TBC1D2B: variants seen among roughly 807,000 people sequenced by gnomAD.
TBC1D2B encodes the protein TBC1 domain family member 2B, also known as TBC1 domain family, member 2B.
A neutral mutation model predicts 100.8 loss-of-function variants in TBC1D2B; 64 were observed. That is an observed-to-expected ratio of 0.64 (90% CI 0.52 to 0.78). The LOEUF (loss-of-function observed/expected upper bound fraction) is 0.78, where lower values mean the gene tolerates loss of function less well. Ranked by LOEUF, TBC1D2B falls within the 30% of genes least tolerant of loss-of-function variation. TBC1D2B has a pLI of 0.00. For missense variants in TBC1D2B, 1,052 were observed against 1,218.4 expected, an observed-to-expected ratio of 0.86 and a Z score of 2.03; for synonymous variants, 480 against 479.7, an observed-to-expected ratio of 1.00 and a Z score of -0.01.
At chr15:78,022,103 G>A (rs2072531313) in intron 6 of TBC1D2B, among the ~76,000 whole-genome samples, 1 of 152,224 alleles carries the variant, frequency 6.6e-6, no homozygotes, top group African/African-American at 2.4e-5. Flanking sequence ...GCTCATGCCT[G>A]TAATCTCAGC....
rs996550768 is a variant in TBC1D2B at position 77,998,076 on chromosome 15, G to A, written c.*84C>T. 11 of 1,329,426 alleles carry A rather than the reference G, an allele frequency of 8.3e-6. No individual in the cohort carries two copies. The highest frequency in any genetic ancestry group is 8.1e-5 in the East Asian group (3 of 37,180). The allele number at this position is 1,329,426 out of a possible 1,614,324, so 82.4% of individuals were successfully genotyped here. ...CAGCAGATCCCCAGAGGACACACAC[G>A]TTACATTCTGGCTTTTAAGTGCACT... On this transcript the variant is annotated 3_prime_UTR_variant, in exon 13 of 13. Transcript: ENST00000300584.
Position 78,077,510 on chromosome 15 carries a change from C to T in TBC1D2B, c.143G>A (p.Gly48Asp). The T allele has an allele frequency of 2.0e-6, 3 of 1,529,766 alleles. No homozygotes were observed. Among genetic ancestry groups the T allele is most frequent in the Non-Finnish European group, 2.6e-6 (3 of 1,138,588 alleles). 94.8% of individuals were successfully genotyped at this position (1,529,766 alleles called of 1,614,324 possible). A position where few individuals can be genotyped will look rare whatever the true frequency, so the allele number is the denominator to read the frequency against. Reference protein sequence around the residue: ...CGYLQKLSGKGPLRGYRSRWF... With the variant: ...CGYLQKLSGKDPLRGYRSRWF... Reference sequence around the variant, plus strand: ...GCGGCTGCGGTAGCCACGCAGGGGGCCCTTGCCCGACAGCTTCTGCAGATA... The same window carrying T: ...GCGGCTGCGGTAGCCACGCAGGGGGTCCTTGCCCGACAGCTTCTGCAGATA... Residue 48 changes from glycine to aspartate, a missense_variant, in exon 1 of 13, where the codon GGC becomes GAC. Gly to Asp is a moderately conservative substitution (Grantham distance 94). Coordinates refer to ENST00000300584, the MANE Select transcript of TBC1D2B (RefSeq NM_144572.2).
intron 4 of TBC1D2B, 33 bp from the exon 5 acceptor site, chr15:78,025,530 ATTAT>A: frequency 7.0e-7 from 1 of 1,419,260 alleles, no homozygotes; most frequent in Non-Finnish European, 9.4e-7. Flanking sequence ...TTTTATTATT[ATTAT>A]TATTATTTTT....
rs1344800968 is a variant in TBC1D2B, at chr15:77,995,130, GA to G, written c.*3029del. ...TCCTCCAGTTGCCCAGCAGCAGTGGGACGTTCAGTGGCACACAGTGGGTCTC... is the reference window on the plus strand; with the variant it reads ...TCCTCCAGTTGCCCAGCAGCAGTGGGCGTTCAGTGGCACACAGTGGGTCTC... On this transcript the variant is annotated 3_prime_UTR_variant, in exon 13 of 13. Coordinates refer to ENST00000300584, the MANE Select transcript of TBC1D2B (RefSeq NM_144572.2). The G allele has an allele frequency of 6.6e-6, 1 of 152,186 alleles. No individual in the cohort carries two copies. Among genetic ancestry groups the G allele is most frequent in the Non-Finnish European group, 1.5e-5 (1 of 68,038 alleles). The allele number at this position is 152,186 out of a possible 1,614,324, so 9.4% of individuals were successfully genotyped here. A position where few individuals can be genotyped will look rare whatever the true frequency, so the allele number is the denominator to read the frequency against.
At chr15:78,061,102 G>A (rs141438627) in intron 1 of TBC1D2B, among the ~76,000 whole-genome samples, 2 of 151,682 alleles carry the variant, frequency 1.3e-5, no homozygotes, top group East Asian at 3.9e-4. Context: ...AAATTTACCA[G>A]GTGTGGTGGC....
At chr15:78,050,011 A>G (rs2073278078) in intron 2 of TBC1D2B, among the ~76,000 whole-genome samples, 2 of 152,200 alleles carry the variant, frequency 1.3e-5, no homozygotes, top group Admixed American at 1.3e-4. Context: ...AGGATTACAC[A>G]AAAGCACAGC....
Position 77,998,001 on chromosome 15 carries a change from C to T in TBC1D2B, c.*159G>A. The T allele has an allele frequency of 1.6e-6, 1 of 639,862 alleles. No homozygotes were observed. Among genetic ancestry groups the T allele is most frequent in the South Asian group, 2.3e-5 (1 of 43,772 alleles). 39.6% of individuals were successfully genotyped at this position (639,862 alleles called of 1,614,324 possible). A position where few individuals can be genotyped will look rare whatever the true frequency, so the allele number is the denominator to read the frequency against. ...ACAGATTAGACCTCCCACCCCTGCC[C>T]CCCGCACAGTGGGAAATGAGGAAGG... On this transcript the variant is annotated 3_prime_UTR_variant, in exon 13 of 13. Coordinates refer to ENST00000300584, the MANE Select transcript of TBC1D2B (RefSeq NM_144572.2).
At chr15:78,074,243 G>A (rs184449644) in intron 1 of TBC1D2B, among the ~76,000 whole-genome samples, 3 of 151,892 alleles carry the variant, frequency 2.0e-5, no homozygotes, top group East Asian at 2.0e-4. Flanking sequence ...GGCTGGTCTC[G>A]AACTCCTGAC....
chr15:78,053,138 C>T (rs1260335204), intron 2 of TBC1D2B, among the ~76,000 whole-genome samples: 1 of 152,242 alleles, frequency 6.6e-6, no homozygotes. Flanking sequence ...AAATCAGCCA[C>T]ACGTGCCAAC....
At chr15:78,053,242 T>C (rs2073352630) in intron 2 of TBC1D2B, among the ~76,000 whole-genome samples, 1 of 152,246 alleles carries the variant, frequency 6.6e-6, no homozygotes, top group African/African-American at 2.4e-5. Flanking sequence ...AATCTCTTTA[T>C]GAAACTGTTA....
chr15:78,037,280 G>A (rs890984883), intron 3 of TBC1D2B, among the ~76,000 whole-genome samples: 2 of 152,060 alleles, frequency 1.3e-5, no homozygotes, highest in Non-Finnish European at 2.9e-5. Flanking sequence ...ACCCTGTTCT[G>A]ACTTCCTTGC....
intron 12 of TBC1D2B, chr15:77,999,167 T>C: frequency 7.3e-6 from 3 of 409,150 alleles, no homozygotes; most frequent in Non-Finnish European, 1.5e-5. Context: ...AAATGCTTTG[T>C]ATCCACCAAC....
Position 78,059,173 on chromosome 15 carries a change from T to C in TBC1D2B, c.361-4986A>G, listed in dbSNP as rs77752408. Among the ~76,000 whole-genome samples the C allele has an allele frequency of 1.5e-3, 234 of 152,372 alleles. 6 individuals carry two copies. In the East Asian group the frequency reaches 0.042, roughly 28 times the overall value. On this transcript the variant is annotated intron_variant, in intron 1 of 12. Transcript: ENST00000300584. ...TGAATAGGGAGCTCAGAGAATCTTG[T>C]AGCCCAGGTAACCCTCCCATGGAGG...
chr15:78,057,141 C>T (rs2073441750), intron 1 of TBC1D2B, among the ~76,000 whole-genome samples: 1 of 152,198 alleles, frequency 6.6e-6, no homozygotes, highest in Admixed American at 6.5e-5. Flanking sequence ...CACTTTAAAT[C>T]TTTGAGTATT....
intron 2 of TBC1D2B, among the ~76,000 whole-genome samples, chr15:78,051,275 A>G (rs1339411541): frequency 1.3e-5 from 2 of 152,216 alleles, no homozygotes; most frequent in Admixed American, 6.5e-5. Flanking sequence ...TATGTATACA[A>G]TATATATGTG....
chr15:78,019,904 G>A (rs548455432), intron 6 of TBC1D2B, among the ~76,000 whole-genome samples: 39 of 150,556 alleles, frequency 2.6e-4, no homozygotes, highest in Admixed American at 6.6e-4. Context: ...AAAAAAAAGG[G>A]GGGGGGAGAC....
At chr15:78,011,188 T>C (rs111470506) in intron 9 of TBC1D2B, among the ~76,000 whole-genome samples, 1,550 of 152,312 alleles carry the variant, frequency 0.01, 27 homozygotes, top group African/African-American at 0.035. Flanking sequence ...GAGGCTGCCC[T>C]ATCCTCACCA....
At chr15:78,034,326 A>AACCAG in intron 3 of TBC1D2B, 1 of 185,470 alleles carries the variant, frequency 5.4e-6, no homozygotes, top group Non-Finnish European at 1.0e-5. Context: ...TGACTGGTTC[A>AACCAG]TCACTTCACA....
Position 78,045,032 on chromosome 15 carries a change from T to G in TBC1D2B, c.551A>C (p.Lys184Thr), listed in dbSNP as rs1300385302. ...CTCCACAGCTAGGACATTTCTGGCTTTTTCTGCAGAAGCATTTGGGTGTGG... is the reference window on the plus strand; with the variant it reads ...CTCCACAGCTAGGACATTTCTGGCTGTTTCTGCAGAAGCATTTGGGTGTGG... ...IYPHPNASAE[K>T]ARNVLAVETV... Residue 184 changes from lysine to threonine, a missense_variant, in exon 3 of 13, where the codon AAA becomes ACA. By Grantham distance (78) the Lys-to-Thr change is moderately conservative. This residue lies in a region of TBC1D2B where 627 missense variants were observed against 646.1 expected (regional missense o/e 0.97). Transcript: ENST00000300584. The G allele has an allele frequency of 1.2e-6, 2 of 1,612,550 alleles. No homozygotes were observed. Among genetic ancestry groups the G allele is most frequent in the Non-Finnish European group, 8.5e-7 (1 of 1,179,086 alleles).
Sources: gnomAD v4.1 joint callset for allele counts (sites outside exome capture counted in the v4.1 genomes callset) on GRCh38, gnomAD v4.1.1 for gene constraint, gnomAD v4.1.1 regional missense constraint, MANE v1.5 for transcripts, NCBI Gene and HGNC (gene_info 2026-07-23, HGNC 2026-07-21) for gene names.